Variants in PRKN observed in about 807,000 individuals in gnomAD.
PRKN encodes the protein parkin RBR E3 ubiquitin protein ligase.
PRKN carries 56 observed loss-of-function variants against 59.5 expected under a neutral mutation model. The observed-to-expected ratio is 0.94, with a 90% confidence interval of 0.76 to 1.18. The LOEUF (loss-of-function observed/expected upper bound fraction) is 1.18. PRKN is among the 50% of genes most tolerant of loss of function. The pLI, the probability that PRKN is intolerant of heterozygous loss-of-function variation, is 0.00. For synonymous variants in PRKN, 250 were observed against 222.1 expected (o/e 1.13, Z -1.12); for missense variants, 657 against 596.4 (o/e 1.10, Z -1.06).
chr6:161,882,941 G>GT (rs1193073579), intron 6 of PRKN, among the ~76,000 whole-genome samples: 10 of 151,670 alleles, frequency 6.6e-5, no homozygotes, highest in African/African-American at 2.4e-4. Context: ...GGAGGTGGAG[G>GT]TTGCAGTGAG....
chr6:161,754,371 C>T (rs573054292), intron 7 of PRKN, among the ~76,000 whole-genome samples: 5 of 151,978 alleles, frequency 3.3e-5, no homozygotes, highest in East Asian at 2.0e-4. Flanking sequence ...CCTTGAGAGA[C>T]GACCTGGTTC....
intron 1 of PRKN, among the ~76,000 whole-genome samples, chr6:162,498,892 G>A: frequency 6.6e-6 from 1 of 152,096 alleles, no homozygotes. Flanking sequence ...AGATGCTACT[G>A]AAAATGATCA....
chr6:161,680,748 TATATATATATATATATATA>T (rs1785297540), intron 7 of PRKN, among the ~76,000 whole-genome samples: 7 of 12,720 alleles, frequency 5.5e-4, no homozygotes, highest in East Asian at 3.4e-3. Context: ...TATATATATA[TATATATATATATATATATA>T]TATATATATT....
At chr6:161,555,905 C>A (rs1258014804) in intron 8 of PRKN, among the ~76,000 whole-genome samples, 1 of 152,152 alleles carries the variant, frequency 6.6e-6, no homozygotes, top group Non-Finnish European at 1.5e-5. Flanking sequence ...ATAACAGTAA[C>A]TCAGGATTAT....
intron 2 of PRKN, among the ~76,000 whole-genome samples, chr6:162,388,683 C>T (rs1171855038): frequency 1.3e-5 from 2 of 152,160 alleles, no homozygotes; most frequent in Non-Finnish European, 2.9e-5. Flanking sequence ...CTCTGTGCCA[C>T]GTACTGTGCT....
At chr6:162,161,873 T>C (rs1383974374) in intron 4 of PRKN, among the ~76,000 whole-genome samples, 2 of 152,232 alleles carry the variant, frequency 1.3e-5, no homozygotes, top group Non-Finnish European at 2.9e-5. Flanking sequence ...GTTATAATTA[T>C]TCTATTTTAT....
intron 3 of PRKN, among the ~76,000 whole-genome samples, chr6:162,225,046 A>G (rs1778107147): frequency 6.6e-6 from 1 of 152,134 alleles, no homozygotes; most frequent in African/African-American, 2.4e-5. Context: ...TATGTAGCTC[A>G]CAGTTCTTGA....
rs1223408367 is a variant in PRKN at position 162,513,295 on chromosome 6, A to G, written c.8-69822T>C. ...GGAGTTCTAGACCAGCCTGGCCAAC[A>G]TGGTAAAACTTCACCTCTACTAAAA... On this transcript the variant is annotated intron_variant, in intron 1 of 11. Transcript: ENST00000366898. 3.9e-5 allele frequency among the ~76,000 whole-genome samples: 6 copies of G among 152,082 alleles called. No individual in the cohort carries two copies. In the East Asian group the frequency reaches 1.2e-3, roughly 30 times the overall value.
chr6:162,231,471 C>G (rs144981928), intron 3 of PRKN, among the ~76,000 whole-genome samples: 1 of 152,284 alleles, frequency 6.6e-6, no homozygotes, highest in African/African-American at 2.4e-5. Context: ...CCCAAAATCT[C>G]TTCAGATGAG....
Position 161,414,404 on chromosome 6 carries a change from T to C in PRKN, c.1084-27527A>G, listed in dbSNP as rs919523516. Among the ~76,000 whole-genome samples, 1 of 152,244 alleles carries C rather than the reference T, an allele frequency of 6.6e-6. No individual in the cohort carries two copies. Among genetic ancestry groups the C allele is most frequent in the African/African-American group, 2.4e-5 (1 of 41,450 alleles). ...GAGGCCCCAGGCAAAGGTTTCTGCC[T>C]GAGACAGTCCTTGGCCTCCAGCCAC... On this transcript the variant is annotated intron_variant, in intron 9 of 11. Transcript: ENST00000366898. The surrounding 1 kb of genome is among the most constrained non-coding windows in gnomAD (Gnocchi z 5.3).
intron 2 of PRKN, among the ~76,000 whole-genome samples, chr6:162,317,627 G>A (rs577843618): frequency 7.2e-5 from 11 of 152,152 alleles, no homozygotes; most frequent in South Asian, 2.1e-4. Flanking sequence ...GGGGAGAAAC[G>A]TGGGGATTCT....
At chr6:161,721,120 T>C (rs186866770) in intron 7 of PRKN, among the ~76,000 whole-genome samples, 11 of 152,364 alleles carry the variant, frequency 7.2e-5, no homozygotes, top group East Asian at 3.9e-4. Flanking sequence ...GTTTGTCGTT[T>C]GGGAAAGATA....
At chr6:162,713,367 G>A (rs537523191) in intron 1 of PRKN, among the ~76,000 whole-genome samples, 1 of 151,896 alleles carries the variant, frequency 6.6e-6, no homozygotes, top group Non-Finnish European at 1.5e-5. Flanking sequence ...GCTGGCGGGC[G>A]CCTGTAGTCC....
At chr6:161,849,602 C>G (rs1793341635) in intron 6 of PRKN, among the ~76,000 whole-genome samples, 1 of 152,158 alleles carries the variant, frequency 6.6e-6, no homozygotes, top group African/African-American at 2.4e-5. Flanking sequence ...TAGGAGCCCC[C>G]AAACTCCTTC....
intron 9 of PRKN, among the ~76,000 whole-genome samples, chr6:161,535,823 T>G (rs1779392727): frequency 6.6e-6 from 1 of 152,160 alleles, no homozygotes; most frequent in Admixed American, 6.5e-5. Flanking sequence ...CCAGACATTT[T>G]ATGAGAGAGA....
chr6:162,025,165 G>A (rs1230697886), intron 5 of PRKN, among the ~76,000 whole-genome samples: 1 of 151,522 alleles, frequency 6.6e-6, no homozygotes, highest in Admixed American at 6.6e-5. Context: ...ACAGGCACCT[G>A]CCACCACGCC....
intron 4 of PRKN, among the ~76,000 whole-genome samples, chr6:162,126,806 C>CTGTTTGTT (rs143861022): frequency 2.8e-4 from 42 of 152,042 alleles, no homozygotes; most frequent in Middle Eastern, 3.4e-3. Flanking sequence ...ATTCATTTTC[C>CTGTTTGTT]TGTTTGTTTG....
chr6:162,690,712 C>T (rs1273091532), intron 1 of PRKN, among the ~76,000 whole-genome samples: 1 of 152,072 alleles, frequency 6.6e-6, no homozygotes, highest in African/African-American at 2.4e-5. Context: ...ATGCCATTTT[C>T]CTCTCGTACT....
chr6:161,642,986 C>A (rs1783797865), intron 7 of PRKN, among the ~76,000 whole-genome samples: 1 of 152,124 alleles, frequency 6.6e-6, no homozygotes, highest in African/African-American at 2.4e-5. Context: ...TTTCTGGTTT[C>A]AATTTCTTTA....
Sources: gnomAD v4.1 joint callset for allele counts (sites outside exome capture counted in the v4.1 genomes callset) on GRCh38, gnomAD v4.1.1 for gene constraint, Gnocchi (gnomAD v3.1) non-coding constraint, MANE v1.5 for transcripts, NCBI Gene and HGNC (gene_info 2026-07-23, HGNC 2026-07-21) for gene names.